Variants in RAP1GAP2 observed in about 807,000 individuals in gnomAD.
The protein encoded by RAP1GAP2 is rap1 GTPase-activating protein 2.
Under a neutral mutation model 95.0 loss-of-function variants are expected in RAP1GAP2, and 27 were observed. The observed-to-expected ratio is 0.28, with a 90% CI of 0.21 to 0.39. The LOEUF (loss-of-function observed/expected upper bound fraction) is 0.39. RAP1GAP2 is among the 10% of genes least tolerant of loss of function. The pLI, the probability that RAP1GAP2 is intolerant of heterozygous loss-of-function variation, is 1.00. For missense variants in RAP1GAP2, 771 were observed against 970.0 expected (o/e 0.79, Z 2.72); for synonymous variants, 373 against 380.9 (o/e 0.98, Z 0.24).
intron 3 of RAP1GAP2, among the ~76,000 whole-genome samples, chr17:2,926,593 TTTC>T (rs2042962599): frequency 6.6e-6 from 1 of 152,072 alleles, no homozygotes; most frequent in Non-Finnish European, 1.5e-5. Flanking sequence ...TTTCTATTAG[TTTC>T]TTATGGCCGC....
chr17:2,799,877 G>A (rs1268282338), intron 1 of RAP1GAP2, among the ~76,000 whole-genome samples: 1 of 152,168 alleles, frequency 6.6e-6, no homozygotes, highest in Non-Finnish European at 1.5e-5. Context: ...GTGAGGGCGG[G>A]CACAGGCTGG....
chr17:2,892,369 A>C (rs4790099), intron 2 of RAP1GAP2, among the ~76,000 whole-genome samples: 5 of 151,866 alleles, frequency 3.3e-5, no homozygotes, highest in Non-Finnish European at 7.4e-5. Context: ...ATTATGCTCA[A>C]GTTCTGTGGG....
At chr17:2,930,987 G>A (rs948872841) in intron 3 of RAP1GAP2, among the ~76,000 whole-genome samples, 1 of 151,950 alleles carries the variant, frequency 6.6e-6, no homozygotes, top group African/African-American at 2.4e-5. Context: ...CTAGCCAGGC[G>A]TGGCATGCCC....
rs533412908 is a variant in RAP1GAP2 at position 2,982,438 on chromosome 17, G to T, written c.729+1190G>T. ...AGGCGTGAGCCACCTCGCCCGGCTG[G>T]AACAAACACTTTCAGTGTTCAGGAT... On this transcript the variant is annotated intron_variant, in intron 10 of 24. Coordinates refer to ENST00000254695, the MANE Select transcript of RAP1GAP2 (RefSeq NM_015085.5). Among the ~76,000 whole-genome samples, 557 of 152,268 alleles carry T rather than the reference G, an allele frequency of 3.7e-3. 7 individuals are homozygous for T. The highest frequency in any genetic ancestry group is 0.013 in the African/African-American group (532 of 41,574).
chr17:2,921,481 G>A (rs1472202680), intron 3 of RAP1GAP2, among the ~76,000 whole-genome samples: 1 of 152,184 alleles, frequency 6.6e-6, no homozygotes, highest in African/African-American at 2.4e-5. Flanking sequence ...GGGATTACAG[G>A]CATGAGCTAC....
At chr17:3,002,727 C>T (rs1049435445) in intron 14 of RAP1GAP2, among the ~76,000 whole-genome samples, 7 of 152,138 alleles carry the variant, frequency 4.6e-5, no homozygotes, top group Admixed American at 1.3e-4. Flanking sequence ...CTTCTGTCCA[C>T]GGAGGGGCCG....
At chr17:2,862,678 T>C (rs1291266845) in intron 2 of RAP1GAP2, among the ~76,000 whole-genome samples, 1 of 152,158 alleles carries the variant, frequency 6.6e-6, no homozygotes, top group African/African-American at 2.4e-5. Flanking sequence ...TGGTTTTCCA[T>C]GTATGATAGT....
chr17:2,923,731 G>A (rs1156468599), intron 3 of RAP1GAP2, among the ~76,000 whole-genome samples: 2 of 151,732 alleles, frequency 1.3e-5, no homozygotes, highest in East Asian at 3.9e-4. Flanking sequence ...AATGATATAT[G>A]CATATTATAA....
intron 3 of RAP1GAP2, among the ~76,000 whole-genome samples, chr17:2,955,970 T>G (rs771712845): frequency 6.6e-6 from 1 of 152,232 alleles, no homozygotes; most frequent in South Asian, 2.1e-4. Context: ...TGCAAGTGTG[T>G]TAGAGGATGG....
upstream of RAP1GAP2, among the ~76,000 whole-genome samples, chr17:2,794,755 G>A (rs564129179): frequency 7.9e-5 from 12 of 152,252 alleles, no homozygotes; most frequent in Non-Finnish European, 1.3e-4. Context: ...TTGGCCCCTG[G>A]CACCTCAGCA....
At chr17:2,760,339 G>T (rs1248079162) in intron 1 of RAP1GAP2, among the ~76,000 whole-genome samples, 2 of 149,172 alleles carry the variant, frequency 1.3e-5, no homozygotes, top group African/African-American at 4.9e-5. Flanking sequence ...AAATGGTCTC[G>T]TTAACTTTCA....
intron 2 of RAP1GAP2, among the ~76,000 whole-genome samples, chr17:2,880,096 G>A (rs891807751): frequency 2.0e-5 from 3 of 152,182 alleles, no homozygotes; most frequent in Non-Finnish European, 2.9e-5. Flanking sequence ...GCAGGGTGCC[G>A]TGGTGGCAGA....
chr17:2,922,754 G>T (rs1043108400), intron 3 of RAP1GAP2, among the ~76,000 whole-genome samples: 2 of 151,840 alleles, frequency 1.3e-5, no homozygotes, highest in African/African-American at 2.4e-5. Context: ...TAGGTTTTCA[G>T]TGAATCCTCA....
At chr17:2,987,549 C>T (rs1172719965) in intron 11 of RAP1GAP2, among the ~76,000 whole-genome samples, 1 of 151,854 alleles carries the variant, frequency 6.6e-6, no homozygotes, top group Non-Finnish European at 1.5e-5. Context: ...TTAGTAGAGA[C>T]GGGGTTTCAC....
In RAP1GAP2 at chr17:3,005,945, T is replaced by C; in HGVS notation, c.1273-10T>C. The C allele has an allele frequency of 3.1e-6, 5 of 1,613,044 alleles. No homozygotes were observed. The highest frequency in any genetic ancestry group is 2.2e-5 in the South Asian group (2 of 91,054). ...AGTGACAGACCTGAGGTCCGTCTTGTCTCTTCCAGGGCCCGGAATTCAGGG... is the reference window on the plus strand; with the variant it reads ...AGTGACAGACCTGAGGTCCGTCTTGCCTCTTCCAGGGCCCGGAATTCAGGG... On this transcript the variant is annotated splice_polypyrimidine_tract_variant and intron_variant, in intron 15 of 24. Coordinates refer to ENST00000254695, the MANE Select transcript of RAP1GAP2 (RefSeq NM_015085.5). The surrounding 1 kb of genome is among the most constrained non-coding windows in gnomAD (Gnocchi z 5.2).
At chr17:2,946,759 CTT>C (rs1447322030) in intron 3 of RAP1GAP2, among the ~76,000 whole-genome samples, 1 of 152,216 alleles carries the variant, frequency 6.6e-6, no homozygotes, top group East Asian at 1.9e-4. Context: ...GCCTAGGAAA[CTT>C]TTTTTATTTT....
Position 2,963,741 on chromosome 17 carries a change from AG to A in RAP1GAP2, c.280-114del. 1.0e-6 allele frequency: 1 copy of A among 984,874 alleles called. No homozygotes were observed. The highest frequency in any genetic ancestry group is 1.5e-6 in the Non-Finnish European group (1 of 675,096). The allele number at this position is 984,874 out of a possible 1,614,324, so 61.0% of individuals were successfully genotyped here. A position where few individuals can be genotyped will look rare whatever the true frequency, so the allele number is the denominator to read the frequency against. On this transcript the variant is annotated intron_variant, in intron 6 of 24. Coordinates refer to ENST00000254695, the MANE Select transcript of RAP1GAP2 (RefSeq NM_015085.5). The surrounding 1 kb of genome is among the most constrained non-coding windows in gnomAD (Gnocchi z 4.8). ...GTTCATGTCACTGCCTTTGGCCTCA[AG>A]TACCAGTGGGTACCAGGCCCCACTC...
chr17:2,766,355 A>G (rs1287328276), intron 1 of RAP1GAP2, among the ~76,000 whole-genome samples: 1 of 152,098 alleles, frequency 6.6e-6, no homozygotes, highest in Admixed American at 6.6e-5. Context: ...AGTGGAGCCC[A>G]CATCCAGACG....
intron 3 of RAP1GAP2, among the ~76,000 whole-genome samples, chr17:2,942,735 C>T (rs960045023): frequency 1.1e-4 from 17 of 152,034 alleles, no homozygotes; most frequent in Admixed American, 3.9e-4. Flanking sequence ...TTTGTGATGT[C>T]GTACAACCAT....
Sources: gnomAD v4.1 joint callset for allele counts (sites outside exome capture counted in the v4.1 genomes callset) on GRCh38, gnomAD v4.1.1 for gene constraint, Gnocchi (gnomAD v3.1) non-coding constraint, MANE v1.5 for transcripts, NCBI Gene and HGNC (gene_info 2026-07-23, HGNC 2026-07-21) for gene names.